The following PTPRK variants were observed in gnomAD, a reference collection of about 807,000 sequenced individuals.
The protein encoded by PTPRK is receptor-type tyrosine-protein phosphatase kappa.
Under a neutral mutation model 178.0 loss-of-function variants are expected in PTPRK, and 75 were observed. The observed-to-expected ratio is 0.42, with a 90% CI of 0.35 to 0.51. The LOEUF is 0.51. Ranked by LOEUF, PTPRK falls within the 20% of genes least tolerant of loss-of-function variation. The pLI is 0.02. For missense variants in PTPRK, 1,441 were observed against 1,797.8 expected, an observed-to-expected ratio of 0.80 and a Z score of 3.59; for synonymous variants, 637 against 620.6, an observed-to-expected ratio of 1.03 and a Z score of -0.39.
chr6:128,350,523 A>G (rs1296436610), intron 2 of PTPRK, among the ~76,000 whole-genome samples: 2 of 152,184 alleles, frequency 1.3e-5, no homozygotes, highest in African/African-American at 4.8e-5. Flanking sequence ...AGTAATGAGT[A>G]TGCTAGATCA....
intron 3 of PTPRK, among the ~76,000 whole-genome samples, chr6:128,312,179 G>A (rs550234136): frequency 6.6e-5 from 10 of 152,330 alleles, no homozygotes; most frequent in Admixed American, 2.0e-4. Context: ...CCTGGGTACA[G>A]GGCAGGACCC....
chr6:128,103,486 G>T (rs1032655923), intron 7 of PTPRK, among the ~76,000 whole-genome samples: 1 of 152,114 alleles, frequency 6.6e-6, no homozygotes, highest in Non-Finnish European at 1.5e-5. Context: ...AGTTGCTACT[G>T]TGGGGCTAGA....
intron 2 of PTPRK, 37 bp downstream of exon 2, chr6:128,397,529 T>G: frequency 1.2e-6 from 2 of 1,607,446 alleles, no homozygotes; most frequent in Non-Finnish European, 1.7e-6. Flanking sequence ...ACTGCAAAAC[T>G]ATTCCCCCAA....
chr6:128,164,483 T>C (rs1208772466), intron 7 of PTPRK, among the ~76,000 whole-genome samples: 1 of 151,306 alleles, frequency 6.6e-6, no homozygotes, highest in Non-Finnish European at 1.5e-5. Flanking sequence ...ATGATTTACT[T>C]TGGTAAAACT....
intron 14 of PTPRK, among the ~76,000 whole-genome samples, chr6:128,007,144 T>C (rs13218577): frequency 0.24 from 36,278 of 150,662 alleles, 5,525 homozygotes; most frequent in Non-Finnish European, 0.31. Flanking sequence ...ATATCTATAC[T>C]TTTTTATATG....
At chr6:128,246,456 C>A (rs1815474595) in intron 3 of PTPRK, among the ~76,000 whole-genome samples, 1 of 151,890 alleles carries the variant, frequency 6.6e-6, no homozygotes, top group East Asian at 1.9e-4. Context: ...AAAAAAAGTT[C>A]CTCTTTTTAG....
At chr6:128,015,043 T>C (rs1408936587) in intron 13 of PTPRK, among the ~76,000 whole-genome samples, 1 of 151,826 alleles carries the variant, frequency 6.6e-6, no homozygotes, top group South Asian at 2.1e-4. Context: ...CTATGAAGAC[T>C]TTAAACAACT....
intron 6 of PTPRK, among the ~76,000 whole-genome samples, chr6:128,208,845 G>A (rs1366741152): frequency 6.6e-6 from 1 of 152,066 alleles, no homozygotes; most frequent in African/African-American, 2.4e-5. Flanking sequence ...TTTTAAAACT[G>A]GATATGTTCC....
intron 3 of PTPRK, among the ~76,000 whole-genome samples, chr6:128,297,260 C>T (rs1824626697): frequency 6.6e-6 from 1 of 151,992 alleles, no homozygotes; most frequent in Non-Finnish European, 1.5e-5. Flanking sequence ...ACTTAGACTC[C>T]CACACAATAA....
intron 2 of PTPRK, among the ~76,000 whole-genome samples, chr6:128,354,229 A>ATTTTT (rs1201996929): frequency 1.8e-4 from 5 of 27,746 alleles, no homozygotes; most frequent in East Asian, 1.1e-3. Flanking sequence ...TTTTTTGTTT[A>ATTTTT]TGTTTTTTTT....
At chr6:128,515,355 CT>C (rs760499561) in intron 1 of PTPRK, among the ~76,000 whole-genome samples, 5 of 151,666 alleles carry the variant, frequency 3.3e-5, no homozygotes, top group African/African-American at 4.8e-5. Flanking sequence ...GTTTTAAGAC[CT>C]ATCATGAATT....
intron 12 of PTPRK, among the ~76,000 whole-genome samples, chr6:128,065,653 T>C (rs148450679): frequency 8.1e-4 from 123 of 152,266 alleles, no homozygotes; most frequent in African/African-American, 2.9e-3. Context: ...ATAAAAGAGT[T>C]TACAATTTCC....
Position 128,156,043 on chromosome 6 carries a change from T to C in PTPRK, c.1162+28389A>G, listed in dbSNP as rs188470270. On this transcript the variant is annotated intron_variant, in intron 7 of 29. Coordinates refer to ENST00000368226, the MANE Select transcript of PTPRK (RefSeq NM_002844.4). ...CGTAAGTTCTGTGCTGATGTAGCAATTATTGCAAGTTTCTTACAACTTAAA... is the reference window on the plus strand; with the variant it reads ...CGTAAGTTCTGTGCTGATGTAGCAACTATTGCAAGTTTCTTACAACTTAAA... 3.8e-3 allele frequency among the ~76,000 whole-genome samples: 572 copies of C among 152,076 alleles called. 2 individuals are homozygous for C. The highest frequency in any genetic ancestry group is 0.013 in the African/African-American group (543 of 41,536).
intron 1 of PTPRK, chr6:128,500,422 T>C (rs1855381973): frequency 6.6e-6 from 1 of 152,170 alleles, no homozygotes; most frequent in Non-Finnish European, 1.5e-5. Context: ...TCCAGCCTTA[T>C]GAATTACAAT....
At chr6:128,347,347 C>T (rs564721935) in intron 2 of PTPRK, among the ~76,000 whole-genome samples, 49 of 152,166 alleles carry the variant, frequency 3.2e-4, no homozygotes, top group Admixed American at 3.3e-4. Context: ...CTATTTATAC[C>T]TTCTCTCTTA....
chr6:128,418,336 G>T (rs1843066448), intron 1 of PTPRK, among the ~76,000 whole-genome samples: 1 of 152,170 alleles, frequency 6.6e-6, no homozygotes, highest in Admixed American at 6.5e-5. Context: ...TAACCCCCAG[G>T]TCATGGACTG....
chr6:128,191,539 A>C (rs974831028), intron 6 of PTPRK, among the ~76,000 whole-genome samples: 11 of 152,020 alleles, frequency 7.2e-5, no homozygotes, highest in African/African-American at 2.6e-4. Flanking sequence ...AATTTATTAT[A>C]TATTTCAACA....
chr6:128,469,078 GA>G (rs1206480543), intron 1 of PTPRK, among the ~76,000 whole-genome samples: 2 of 152,096 alleles, frequency 1.3e-5, no homozygotes, highest in East Asian at 3.9e-4. Context: ...ACATTTGTAG[GA>G]AAAAAAGATC....
intron 2 of PTPRK, among the ~76,000 whole-genome samples, chr6:128,376,943 A>T (rs560366871): frequency 4.6e-4 from 70 of 152,254 alleles, no homozygotes; most frequent in Non-Finnish European, 8.5e-4. Context: ...TCTGGATTTC[A>T]TTGTCGATAT....
Sources: gnomAD v4.1 joint callset for allele counts (sites outside exome capture counted in the v4.1 genomes callset) on GRCh38, gnomAD v4.1.1 for gene constraint, MANE v1.5 for transcripts, NCBI Gene and HGNC (gene_info 2026-07-23, HGNC 2026-07-21) for gene names.